The following PTK7 variants were observed in gnomAD, a reference collection of about 807,000 sequenced individuals.
PTK7 encodes the protein protein tyrosine kinase 7 (inactive).
In PTK7, 39 loss-of-function variants were observed where a neutral mutation model predicts 116.6. That is an observed-to-expected ratio of 0.33 (90% CI 0.26 to 0.44). PTK7 has a LOEUF of 0.44. Ranked by LOEUF, PTK7 falls within the 20% of genes least tolerant of loss-of-function variation. The pLI is 1.00. For synonymous variants in PTK7, 546 were observed against 563.6 expected, an observed-to-expected ratio of 0.97 and a Z score of 0.44; for missense variants, 1,169 against 1,425.6, an observed-to-expected ratio of 0.82 and a Z score of 2.90.
intron 1 of PTK7, among the ~76,000 whole-genome samples, chr6:43,079,238 C>T (rs1339492135): frequency 1.3e-5 from 2 of 151,386 alleles, no homozygotes; most frequent in Non-Finnish European, 2.9e-5. Flanking sequence ...GAGGCCGAGG[C>T]GGGCGGATCA....
At chr6:43,138,820 C>G in intron 7 of PTK7, 29 bp from the exon 8 acceptor site, 1 of 1,584,700 alleles carries the variant, frequency 6.3e-7, no homozygotes, top group East Asian at 2.2e-5. Context: ...TGTGAAGCAG[C>G]CTTCACTGTT....
chr6:43,089,972 C>T (rs1209812037), intron 1 of PTK7, among the ~76,000 whole-genome samples: 1 of 152,240 alleles, frequency 6.6e-6, no homozygotes, highest in Non-Finnish European at 1.5e-5. Flanking sequence ...GTTGTACAGC[C>T]TCCTGTGTCT....
chr6:43,129,479 C>T lies in PTK7; in HGVS notation c.367+215C>T. 1.3e-6 allele frequency: 1 copy of T among 752,610 alleles called. No individual in the cohort carries two copies. Among genetic ancestry groups the T allele is most frequent in the South Asian group, 1.9e-5 (1 of 51,922 alleles). 46.6% of individuals were successfully genotyped at this position (752,610 alleles called of 1,614,324 possible). A position where few individuals can be genotyped will look rare whatever the true frequency, so the allele number is the denominator to read the frequency against. ...TCCTTCAAGTCTGGGACCCATTTAT[C>T]TGCTGCATGCTTGTGCAAATGGAAA... On this transcript the variant is annotated intron_variant, in intron 2 of 19. Transcript: ENST00000230419. The surrounding 1 kb of genome is among the most constrained non-coding windows in gnomAD (Gnocchi z 4.5).
At position 43,141,905 on chromosome 6, in the gene PTK7, C is replaced by T. The variant is rs755778494; in HGVS notation, c.1769-26C>T. 59 of 1,594,380 alleles carry T rather than the reference C, an allele frequency of 3.7e-5. No homozygotes were observed. The highest frequency in any genetic ancestry group is 1.7e-4 in the Middle Eastern group (1 of 5,994). ...CAGCCCCTTGGCTTACCCCTCCCTG[C>T]GCCTCGCTGGTCTCTTTTCTTCCAG... On this transcript the variant is annotated intron_variant, in intron 11 of 19. Transcript: ENST00000230419. This position sits in a 1 kb window ranked among gnomAD's most constrained non-coding sequence, Gnocchi z 4.9.
chr6:43,098,512 T>C (rs940602847), intron 1 of PTK7, among the ~76,000 whole-genome samples: 1 of 151,976 alleles, frequency 6.6e-6, no homozygotes, highest in African/African-American at 2.4e-5. Context: ...CCTGCCACCA[T>C]GCCTGGCTAA....
chr6:43,116,933 C>T (rs1477441244), intron 1 of PTK7, among the ~76,000 whole-genome samples: 2 of 152,140 alleles, frequency 1.3e-5, no homozygotes, highest in African/African-American at 4.8e-5. Context: ...AAGCGATTCT[C>T]GTGCTTCAGC....
Position 43,145,482 on chromosome 6 carries a change from C to T in PTK7, c.2640+50C>T. The T allele has an allele frequency of 7.0e-7, 1 of 1,430,428 alleles. No homozygotes were observed. The allele number at this position is 1,430,428 out of a possible 1,614,324, so 88.6% of individuals were successfully genotyped here. On this transcript the variant is annotated intron_variant, in intron 16 of 19. Transcript: ENST00000230419. The surrounding 1 kb of genome is among the most constrained non-coding windows in gnomAD (Gnocchi z 4.8). ...GGGTCTCGGGTAGGGAGGGCAGTGT[C>T]CTACAAAGGTGGGAGTCAGTGGTTG...
chr6:43,091,478 TTGTAAGA>T (rs1766954488), intron 1 of PTK7, among the ~76,000 whole-genome samples: 1 of 152,116 alleles, frequency 6.6e-6, no homozygotes, highest in Non-Finnish European at 1.5e-5. Flanking sequence ...GTTTCCTCTT[TTGTAAGA>T]TAGGAATAAT....
chr6:43,160,275 C>T (rs1383514352), intron 19 of PTK7, among the ~76,000 whole-genome samples: 2 of 152,148 alleles, frequency 1.3e-5, no homozygotes, highest in Non-Finnish European at 2.9e-5. Context: ...ACCTCCACTC[C>T]CTGGCTAATT....
chr6:43,112,755 G>A (rs1160019765), intron 1 of PTK7, among the ~76,000 whole-genome samples: 1 of 152,158 alleles, frequency 6.6e-6, no homozygotes, highest in East Asian at 1.9e-4. Flanking sequence ...ACAACAAGAT[G>A]ACTTGCTCAG....
intron 1 of PTK7, among the ~76,000 whole-genome samples, chr6:43,112,847 G>A (rs1344620981): frequency 6.6e-6 from 1 of 152,086 alleles, no homozygotes; most frequent in Non-Finnish European, 1.5e-5. Flanking sequence ...TTCTTTTTAA[G>A]AGATGGGGTC....
At chr6:43,126,010 G>A (rs61521447) in intron 1 of PTK7, among the ~76,000 whole-genome samples, 4,769 of 152,232 alleles carry the variant, frequency 0.031, 244 homozygotes, top group African/African-American at 0.11. Context: ...GCCTCCTGGA[G>A]TTGTGGGTCA....
intron 1 of PTK7, among the ~76,000 whole-genome samples, chr6:43,110,184 C>T (rs1768117127): frequency 6.6e-6 from 1 of 151,158 alleles, no homozygotes; most frequent in Non-Finnish European, 1.5e-5. Flanking sequence ...GTTTAGAATA[C>T]AAAATACATG....
At chr6:43,077,437 T>G (rs1158592479) in intron 1 of PTK7, among the ~76,000 whole-genome samples, 1 of 152,010 alleles carries the variant, frequency 6.6e-6, no homozygotes, top group East Asian at 1.9e-4. Context: ...GGGGGGGGCC[T>G]TAGCATTTTA....
intron 18 of PTK7, 71 bp downstream of exon 18, chr6:43,159,039 T>C: frequency 6.3e-7 from 1 of 1,578,394 alleles, no homozygotes; most frequent in Non-Finnish European, 8.6e-7. Flanking sequence ...GACAGATAGT[T>C]TGGGGGGTGT....
chr6:43,077,046 G>A (rs1766072405), intron 1 of PTK7: 1 of 1,328,094 alleles, frequency 7.5e-7, no homozygotes, highest in Admixed American at 3.4e-5. Flanking sequence ...AAAGCGCGGA[G>A]CTTTGTTACC....
In PTK7 at chr6:43,085,430, G is replaced by A. The variant is rs188495663; in HGVS notation, c.79+8863G>A. Reference sequence around the variant, plus strand: ...TGCCCGGCTAATTTTTGTATTTTCAGTAGAGACGGAGTTTCACCATATTGG... The same window carrying A: ...TGCCCGGCTAATTTTTGTATTTTCAATAGAGACGGAGTTTCACCATATTGG... On this transcript the variant is annotated intron_variant, in intron 1 of 19. Coordinates refer to ENST00000230419, the MANE Select transcript of PTK7 (RefSeq NM_002821.5). Among the ~76,000 whole-genome samples the A allele has an allele frequency of 3.3e-5, 5 of 152,050 alleles. No individual in the cohort carries two copies. The East Asian group carries it at 9.8e-4, about 30-fold the overall frequency.
intron 1 of PTK7, among the ~76,000 whole-genome samples, chr6:43,117,559 C>A (rs1025898427): frequency 2.6e-5 from 4 of 152,156 alleles, no homozygotes; most frequent in African/African-American, 9.7e-5. Flanking sequence ...ACTGGGGCAT[C>A]CTTGACTCCG....
Position 43,129,361 on chromosome 6 carries a change from G to A in PTK7, c.367+97G>A, listed in dbSNP as rs1769514936. The A allele has an allele frequency of 7.0e-7, 1 of 1,423,120 alleles. No individual in the cohort carries two copies. Among genetic ancestry groups the A allele is most frequent in the African/African-American group, 1.4e-5 (1 of 70,172 alleles). 88.2% of individuals were successfully genotyped at this position (1,423,120 alleles called of 1,614,324 possible). A position where few individuals can be genotyped will look rare whatever the true frequency, so the allele number is the denominator to read the frequency against. On this transcript the variant is annotated intron_variant, in intron 2 of 19. Coordinates refer to ENST00000230419, the MANE Select transcript of PTK7 (RefSeq NM_002821.5). The surrounding 1 kb of genome is among the most constrained non-coding windows in gnomAD (Gnocchi z 4.5). ...CTTACCTCAGCTTCTCCCATTTCCAGTTAAACGGGCCAGGCAGAATGCATT... is the reference window on the plus strand; with the variant it reads ...CTTACCTCAGCTTCTCCCATTTCCAATTAAACGGGCCAGGCAGAATGCATT...
Sources: gnomAD v4.1 joint callset for allele counts (sites outside exome capture counted in the v4.1 genomes callset) on GRCh38, gnomAD v4.1.1 for gene constraint, Gnocchi (gnomAD v3.1) non-coding constraint, MANE v1.5 for transcripts, NCBI Gene and HGNC (gene_info 2026-07-23, HGNC 2026-07-21) for gene names.